The following FANCB variants were observed in gnomAD, a reference collection of about 807,000 sequenced individuals.
FANCB encodes FA complementation group B.
A neutral mutation model predicts 38.9 loss-of-function variants in FANCB; 5 were observed. That is an observed-to-expected ratio of 0.13 (90% CI 0.07 to 0.27). FANCB has a LOEUF of 0.27. FANCB is among the 10% of genes least tolerant of loss of function. FANCB has a pLI of 1.00. For missense variants in FANCB, 573 were observed against 602.7 expected (o/e 0.95, Z 0.52); for synonymous variants, 236 against 215.4 (o/e 1.10, Z -0.84).
chrX:14,792,491 A>G, the FANCB span, among the ~76,000 whole-genome samples: 18 of 111,113 alleles, frequency 1.6e-4, no homozygotes, highest in African/African-American at 5.9e-4. Flanking sequence ...TTCAAAATCA[A>G]TGCACCATTA....
Position 14,864,860 on chromosome X carries a change from A to T in FANCB, c.651T>A (p.Leu217=). Residue 217 remains leucine, a synonymous_variant, in exon 3 of 10, where the codon CTT becomes CTA. Coordinates refer to ENST00000650831, the MANE Select transcript of FANCB (RefSeq NM_001018113.3). ...IWNTKFCVYS[L]ESQEVLSDIY... is the part of the protein sequence containing the mutation. ...TATCACTTAATACTTCTTGACTTTC[A>T]AGAGAATATACACAAAATTTGGTAT... 1 of 1,210,108 alleles carries T rather than the reference A, an allele frequency of 8.3e-7. No individual in the cohort carries two copies. The highest frequency in any genetic ancestry group is 1.1e-6 in the Non-Finnish European group (1 of 893,854).
Position 14,843,877 on chromosome X carries a change from T to C in FANCB, c.2270A>G (p.Asp757Gly). The C allele has an allele frequency of 1.7e-6, 2 of 1,207,392 alleles. No homozygotes were observed. Among genetic ancestry groups the C allele is most frequent in the Non-Finnish European group, 2.2e-6 (2 of 892,682 alleles). The change falls in exon 10 of 10, where the codon GAT (aspartate) becomes GGT (glycine). Residue 757 changes from aspartate (D) to glycine (G), a missense_variant. Physicochemically the swap from Asp to Gly is moderately conservative, Grantham distance 94 (BLOSUM62 -1). Transcript: ENST00000650831. ...CTTCTCCAAAGTAAATGCCATATTA[T>C]CAATTAGGAAATTCTCACTTCCTGA... The part of the protein sequence containing the change: ...LKSGSENFLI[D>G]NMAFTLEKEL...
the FANCB span, among the ~76,000 whole-genome samples, chrX:14,772,862 G>T: frequency 8.9e-6 from 1 of 111,851 alleles, no homozygotes; most frequent in African/African-American, 3.3e-5. Flanking sequence ...CATGGGAGAA[G>T]CATGGTTTCC....
the FANCB span, among the ~76,000 whole-genome samples, chrX:14,691,388 T>G: frequency 9.1e-6 from 1 of 110,409 alleles, no homozygotes; most frequent in African/African-American, 3.3e-5. Context: ...GCTCTGGCTT[T>G]ATGTAAATTA....
the FANCB span, among the ~76,000 whole-genome samples, chrX:14,717,548 A>G: frequency 1.0e-5 from 1 of 95,843 alleles, no homozygotes; most frequent in South Asian, 4.1e-4. Flanking sequence ...GCCTGCTCTA[A>G]TATTTATTTG....
chrX:14,750,683 A>T, the FANCB span, among the ~76,000 whole-genome samples: 2 of 111,032 alleles, frequency 1.8e-5, no homozygotes, highest in African/African-American at 6.6e-5. Flanking sequence ...AACAGAAAGA[A>T]CACAGATGTC....
chrX:14,858,006 T>C (rs758565474), intron 4 of FANCB, 52 bp from the exon 5 acceptor site: 3 of 803,180 alleles, frequency 3.7e-6, no homozygotes, highest in South Asian at 2.2e-5. Flanking sequence ...TTTGCAACAA[T>C]TGAAAATTCA....
the FANCB span, among the ~76,000 whole-genome samples, chrX:14,738,987 C>T: frequency 8.9e-6 from 1 of 111,987 alleles, no homozygotes. Flanking sequence ...AAAATCTATT[C>T]AGAATTTTTT....
At chrX:14,799,938 G>A in the FANCB span, among the ~76,000 whole-genome samples, 1 of 111,881 alleles carries the variant, frequency 8.9e-6, no homozygotes. Context: ...GGTAAGTGTT[G>A]TCTAGTTTCT....
chrX:14,733,831 C>T, the FANCB span, among the ~76,000 whole-genome samples: 1 of 111,929 alleles, frequency 8.9e-6, no homozygotes, highest in African/African-American at 3.2e-5. Flanking sequence ...ATTTGACTTC[C>T]TCTCTTCCTG....
At chrX:14,840,980 A>C (rs1050221185), downstream of FANCB, among the ~76,000 whole-genome samples, 1 of 112,295 alleles carries the variant, frequency 8.9e-6, no homozygotes, top group African/African-American at 3.2e-5. Flanking sequence ...ATAAGGCCCT[A>C]GAAAGTGACC....
the FANCB span, among the ~76,000 whole-genome samples, chrX:14,815,781 C>G: frequency 8.0e-5 from 9 of 111,823 alleles, no homozygotes; most frequent in Admixed American, 7.6e-4. Flanking sequence ...GAACAGATGA[C>G]TGGATAAAGA....
At chrX:14,799,334 A>G in the FANCB span, among the ~76,000 whole-genome samples, 1 of 111,842 alleles carries the variant, frequency 8.9e-6, no homozygotes, top group Non-Finnish European at 1.9e-5. Context: ...TCAAGGGCCC[A>G]GACACTGGCC....
the FANCB span, among the ~76,000 whole-genome samples, chrX:14,749,121 T>C: frequency 9.0e-6 from 1 of 111,694 alleles, no homozygotes; most frequent in Non-Finnish European, 1.9e-5. Flanking sequence ...GAAGCTCATA[T>C]GAAAAGCAAG....
chrX:14,852,648 T>C (rs1799534169), intron 6 of FANCB, among the ~76,000 whole-genome samples: 1 of 112,032 alleles, frequency 8.9e-6, no homozygotes, highest in Admixed American at 9.4e-5. Context: ...TAAAATTATC[T>C]CATCACCAAT....
At chrX:14,850,375 C>T (rs1471415104) in intron 7 of FANCB, 130 bp downstream of exon 7, 2 of 564,644 alleles carry the variant, frequency 3.5e-6, no homozygotes, top group Non-Finnish European at 6.2e-6. Context: ...AATAATTTCC[C>T]TTGCTTCTAT....
At chrX:14,815,511 A>G in the FANCB span, among the ~76,000 whole-genome samples, 1 of 112,785 alleles carries the variant, frequency 8.9e-6, no homozygotes, top group African/African-American at 3.2e-5. Context: ...AAAAGTCACA[A>G]AATAACAGAT....
At chrX:14,728,098 A>G in the FANCB span, among the ~76,000 whole-genome samples, 1 of 112,407 alleles carries the variant, frequency 8.9e-6, no homozygotes, top group African/African-American at 3.2e-5. Flanking sequence ...TACTTTTTAA[A>G]GACCTTTGGT....
chrX:14,871,370 T>C (rs2092495531), intron 1 of FANCB, among the ~76,000 whole-genome samples: 1 of 111,231 alleles, frequency 9.0e-6, no homozygotes, highest in African/African-American at 3.3e-5. Flanking sequence ...AGTACTTAAA[T>C]AAAAGGGAGA....
Sources: allele counts gnomAD v4.1 joint callset (sites outside exome capture counted in the v4.1 genomes callset), GRCh38; gene constraint gnomAD v4.1.1; transcripts MANE v1.5; gene names NCBI Gene and HGNC (gene_info 2026-07-23, HGNC 2026-07-21).